HOMER2: variants seen among roughly 807,000 people sequenced by gnomAD.
The protein encoded by HOMER2 is homer protein homolog 2.
A neutral mutation model predicts 47.0 loss-of-function variants in HOMER2; 27 were observed. The observed-to-expected ratio is 0.57, with a 90% CI of 0.42 to 0.79. The LOEUF is 0.79. Among genes scored for constraint, HOMER2 ranks in the 30% least tolerant of loss-of-function variants. The probability of loss-of-function intolerance (pLI) is 0.00; values close to 1 mark genes in which losing one functional copy is unlikely to be tolerated. For missense variants in HOMER2, 443 were observed against 435.0 expected, an observed-to-expected ratio of 1.02 and a Z score of -0.16; for synonymous variants, 161 against 163.8, an observed-to-expected ratio of 0.98 and a Z score of 0.13.
chr15:82,862,068 CTCT>C (rs934012756), intron 4 of HOMER2, among the ~76,000 whole-genome samples: 20 of 128,590 alleles, frequency 1.6e-4, no homozygotes, highest in Non-Finnish European at 2.8e-4. Context: ...GTCTTTCTCT[CTCT>C]TTTTTTTTTT....
chr15:82,903,135 G>A (rs1178364273), intron 1 of HOMER2, among the ~76,000 whole-genome samples: 1 of 152,212 alleles, frequency 6.6e-6, no homozygotes, highest in East Asian at 1.9e-4. Flanking sequence ...GGCTGAAGGG[G>A]GAAGAGACCG....
intron 1 of HOMER2, chr15:82,898,579 A>AT (rs1277982623): frequency 6.6e-6 from 1 of 152,206 alleles, no homozygotes; most frequent in African/African-American, 2.4e-5. Context: ...ATAAACACCA[A>AT]TTGCTGTTCA....
chr15:82,912,837 C>T (rs180835724), intron 1 of HOMER2, among the ~76,000 whole-genome samples: 4 of 152,278 alleles, frequency 2.6e-5, no homozygotes, highest in African/African-American at 9.6e-5. Flanking sequence ...AAGGAACAAC[C>T]GTGTACCTAT....
At chr15:82,984,327 C>T (rs1458698496) in intron 1 of HOMER2, among the ~76,000 whole-genome samples, 2 of 152,144 alleles carry the variant, frequency 1.3e-5, no homozygotes, top group Non-Finnish European at 2.9e-5. Context: ...CCACCGCACC[C>T]GGCCTTTTAT....
chr15:82,949,569 G>C (rs778477364), intron 1 of HOMER2, among the ~76,000 whole-genome samples: 2 of 152,162 alleles, frequency 1.3e-5, no homozygotes, highest in African/African-American at 4.8e-5. Context: ...TGTAGAGTAT[G>C]GAGAGTGAAC....
chr15:82,952,788 G>A (rs1213557657), upstream of HOMER2: 1 of 788,462 alleles, frequency 1.3e-6, no homozygotes, highest in East Asian at 1.6e-4. Context: ...CGCTACCCCC[G>A]CCCGGCTCCT....
chr15:82,889,108 C>T (rs1198018794), intron 2 of HOMER2, among the ~76,000 whole-genome samples: 1 of 152,182 alleles, frequency 6.6e-6, no homozygotes, highest in Non-Finnish European at 1.5e-5. Flanking sequence ...AGGCACTAGA[C>T]CTGCCCAAAG....
At chr15:82,868,523 TTA>T (rs1244361918) in intron 3 of HOMER2, among the ~76,000 whole-genome samples, 591 of 36,644 alleles carry the variant, frequency 0.016, 62 homozygotes, top group Admixed American at 0.037. Flanking sequence ...CTTATTTATT[TTA>T]TATATATATA....
chr15:82,881,730 G>A (rs2052527840), intron 2 of HOMER2, among the ~76,000 whole-genome samples: 1 of 152,176 alleles, frequency 6.6e-6, no homozygotes, highest in Non-Finnish European at 1.5e-5. Flanking sequence ...CAGAGTTTTG[G>A]ATACTGATAT....
At chr15:82,868,542 T>TATATATATATATATATATA (rs370867216) in intron 3 of HOMER2, among the ~76,000 whole-genome samples, 22 of 42,670 alleles carry the variant, frequency 5.2e-4, no homozygotes, top group South Asian at 1.1e-3. Context: ...TATATATATA[T>TATATATATATATATATATA]TTTTTTTTTT....
intron 1 of HOMER2, among the ~76,000 whole-genome samples, chr15:82,942,418 C>A (rs1361497740): frequency 6.6e-6 from 1 of 152,316 alleles, no homozygotes; most frequent in South Asian, 2.1e-4. Flanking sequence ...CATACAGGGA[C>A]CCTGAAACTA....
intron 2 of HOMER2, among the ~76,000 whole-genome samples, chr15:82,889,626 T>C (rs879766051): frequency 6.6e-6 from 1 of 152,090 alleles, no homozygotes; most frequent in Admixed American, 6.6e-5. Context: ...GAGATTGGGC[T>C]CAGGGAGATG....
chr15:82,906,433 C>CTTTT (rs1185595370), intron 1 of HOMER2, among the ~76,000 whole-genome samples: 1 of 141,076 alleles, frequency 7.1e-6, no homozygotes, highest in Non-Finnish European at 1.6e-5. Context: ...AAGAAATCCA[C>CTTTT]TTTTTTTTTT....
chr15:82,864,162 C>G lies in HOMER2; in HGVS notation c.387+5G>C. Reference sequence around the variant, plus strand: ...TGGGATTTACTTCATAGACTAATGTCTTACTTGGGAATGATTACTTGAGGT... The same window carrying G: ...TGGGATTTACTTCATAGACTAATGTGTTACTTGGGAATGATTACTTGAGGT... On this transcript the variant is annotated splice_donor_5th_base_variant and intron_variant, in intron 4 of 8. Transcript: ENST00000450735. 3 of 1,595,028 alleles carry G rather than the reference C, an allele frequency of 1.9e-6. No homozygotes were observed. Among genetic ancestry groups the G allele is most frequent in the Non-Finnish European group, 2.6e-6 (3 of 1,164,972 alleles).
At chr15:82,929,339 G>T (rs2053944209) in intron 1 of HOMER2, among the ~76,000 whole-genome samples, 1 of 152,054 alleles carries the variant, frequency 6.6e-6, no homozygotes, top group African/African-American at 2.4e-5. Context: ...AAGGAAAACG[G>T]CTTAGCAGGT....
At chr15:82,860,331 G>A (rs535288485) in intron 4 of HOMER2, among the ~76,000 whole-genome samples, 10 of 152,222 alleles carry the variant, frequency 6.6e-5, no homozygotes, top group South Asian at 4.1e-4. Context: ...AAATATTTAC[G>A]GATGAAATGA....
chr15:82,876,933 C>A (rs2052367980), intron 2 of HOMER2, among the ~76,000 whole-genome samples: 1 of 152,194 alleles, frequency 6.6e-6, no homozygotes, highest in Non-Finnish European at 1.5e-5. Context: ...CTTGCTAGAT[C>A]TACATTTATC....
chr15:82,877,201 G>T (rs2052379279), intron 2 of HOMER2, among the ~76,000 whole-genome samples: 1 of 152,032 alleles, frequency 6.6e-6, no homozygotes, highest in Non-Finnish European at 1.5e-5. Flanking sequence ...ACAGAGTCTT[G>T]CTCTGTCACC....
intron 1 of HOMER2, among the ~76,000 whole-genome samples, chr15:82,949,694 TCTC>T (rs2151236500): frequency 6.6e-6 from 1 of 151,662 alleles, no homozygotes; most frequent in Non-Finnish European, 1.5e-5. Flanking sequence ...GGGAGGGAGA[TCTC>T]CTTTTTAAGA....
Sources: gnomAD v4.1 joint callset for allele counts (sites outside exome capture counted in the v4.1 genomes callset) on GRCh38, gnomAD v4.1.1 for gene constraint, MANE v1.5 for transcripts, NCBI Gene and HGNC (gene_info 2026-07-23, HGNC 2026-07-21) for gene names.